Variants in SMIM10L3 observed in about 807,000 individuals in gnomAD.
SMIM10L3 encodes the protein small integral membrane protein 10 like 3.
chr7:6,331,359 C>T, the SMIM10L3 span: 3 of 617,714 alleles, frequency 4.9e-6, no homozygotes, highest in Non-Finnish European at 8.4e-6. Flanking sequence ...TACAGGGTTT[C>T]ACCATATTGG....
chr7:6,347,622 C>T, the SMIM10L3 span, among the ~76,000 whole-genome samples: 1 of 152,116 alleles, frequency 6.6e-6, no homozygotes, highest in African/African-American at 2.4e-5. Flanking sequence ...GCCTCTGAGA[C>T]GTTTTGTGCT....
chr7:6,331,710 C>T, the SMIM10L3 span, among the ~76,000 whole-genome samples: 2 of 151,350 alleles, frequency 1.3e-5, no homozygotes, highest in Non-Finnish European at 2.9e-5. Context: ...GCTTAGTTCC[C>T]CACCCTCAAA....
the SMIM10L3 span, among the ~76,000 whole-genome samples, chr7:6,347,789 C>T: frequency 6.6e-6 from 1 of 151,548 alleles, no homozygotes; most frequent in Non-Finnish European, 1.5e-5. Flanking sequence ...GATGTGGTGG[C>T]TCATGCCTAT....
At chr7:6,348,886 C>T in the SMIM10L3 span, 64 of 387,802 alleles carry the variant, frequency 1.7e-4, no homozygotes, top group African/African-American at 1.2e-3. Flanking sequence ...GCGGGCGGGC[C>T]GCAGTGGAGC....
the SMIM10L3 span, among the ~76,000 whole-genome samples, chr7:6,344,198 A>G: frequency 0.014 from 2,097 of 151,926 alleles, 43 homozygotes; most frequent in Non-Finnish European, 0.016. Context: ...TTCAGATTCT[A>G]TTTCCTGTTG....
the SMIM10L3 span, among the ~76,000 whole-genome samples, chr7:6,332,041 G>C: frequency 6.6e-6 from 1 of 151,252 alleles, no homozygotes; most frequent in African/African-American, 2.4e-5. Context: ...GAACCCAGGA[G>C]GTGGAAGTAG....
the SMIM10L3 span, among the ~76,000 whole-genome samples, chr7:6,338,954 C>G: frequency 1.3e-5 from 2 of 152,268 alleles, no homozygotes; most frequent in East Asian, 3.9e-4. Context: ...TGGGCCAGCT[C>G]CACACCCCTC....
the SMIM10L3 span, among the ~76,000 whole-genome samples, chr7:6,347,659 G>A: frequency 1.3e-5 from 2 of 152,004 alleles, no homozygotes; most frequent in Admixed American, 6.6e-5. Flanking sequence ...TATTTTCCCT[G>A]GTCTTCACCC....
At chr7:6,346,675 G>C in the SMIM10L3 span, among the ~76,000 whole-genome samples, 1 of 152,144 alleles carries the variant, frequency 6.6e-6, no homozygotes, top group African/African-American at 2.4e-5. Context: ...GTGAGCTACT[G>C]TGCCCAGCCA....
At chr7:6,330,818 A>G in the SMIM10L3 span, 12 of 1,613,694 alleles carry the variant, frequency 7.4e-6, no homozygotes, top group Non-Finnish European at 8.5e-6. Flanking sequence ...CGAGCAAAAC[A>G]CTCTGTTGGA....
chr7:6,331,352 A>G, the SMIM10L3 span: 1 of 627,360 alleles, frequency 1.6e-6, no homozygotes, highest in East Asian at 2.8e-5. Flanking sequence ...TCTCCAGTAC[A>G]GGGTTTCACC....
chr7:6,333,434 C>G, the SMIM10L3 span, among the ~76,000 whole-genome samples: 2 of 151,986 alleles, frequency 1.3e-5, no homozygotes, highest in African/African-American at 4.8e-5. Context: ...GGCTGTTCCA[C>G]AGAGCAGGAA....
At chr7:6,339,056 C>T in the SMIM10L3 span, among the ~76,000 whole-genome samples, 4 of 152,176 alleles carry the variant, frequency 2.6e-5, no homozygotes, top group Admixed American at 1.3e-4. Context: ...GATTTCCACA[C>T]AGCCTAGAGG....
At chr7:6,342,322 A>G in the SMIM10L3 span, among the ~76,000 whole-genome samples, 3 of 151,904 alleles carry the variant, frequency 2.0e-5, no homozygotes, top group Non-Finnish European at 4.4e-5. Context: ...AGGCAGGTGG[A>G]TCTCTTGAGC....
the SMIM10L3 span, among the ~76,000 whole-genome samples, chr7:6,340,492 G>A: frequency 4.0e-4 from 61 of 152,194 alleles, no homozygotes; most frequent in African/African-American, 1.2e-3. Context: ...CACGGAGGCC[G>A]TGCTGCACCT....
At chr7:6,346,262 T>C in the SMIM10L3 span, among the ~76,000 whole-genome samples, 1 of 152,152 alleles carries the variant, frequency 6.6e-6, no homozygotes, top group East Asian at 1.9e-4. Context: ...AGCCACCTGG[T>C]GGAGGTTTTG....
At chr7:6,348,897 G>C in the SMIM10L3 span, 3 of 387,592 alleles carry the variant, frequency 7.7e-6, no homozygotes, top group East Asian at 7.4e-5. Flanking sequence ...GCAGTGGAGC[G>C]GAGTCCGCAC....
chr7:6,339,397 G>A, the SMIM10L3 span, among the ~76,000 whole-genome samples: 2 of 152,248 alleles, frequency 1.3e-5, no homozygotes, highest in African/African-American at 2.4e-5. Flanking sequence ...GAGCCTAGGA[G>A]TTTGAGACCA....
At chr7:6,336,521 A>G in the SMIM10L3 span, among the ~76,000 whole-genome samples, 32 of 152,036 alleles carry the variant, frequency 2.1e-4, no homozygotes, top group African/African-American at 6.7e-4. Context: ...TCTCTACTAA[A>G]AATACAAAAA....
Sources: gnomAD v4.1 joint callset for allele counts (sites outside exome capture counted in the v4.1 genomes callset) on GRCh38, gnomAD v4.1.1 for gene constraint, MANE v1.5 for transcripts, NCBI Gene and HGNC (gene_info 2026-07-23, HGNC 2026-07-21) for gene names.